The following RSU1 variants were observed in gnomAD, a reference collection of about 807,000 sequenced individuals.
RSU1 encodes the protein Ras suppressor protein 1, also known as rsu-1.
A neutral mutation model predicts 31.1 loss-of-function variants in RSU1; 26 were observed. The observed-to-expected ratio is 0.84, with a 90% CI of 0.61 to 1.16. The LOEUF (loss-of-function observed/expected upper bound fraction) is 1.16, where lower values mean the gene tolerates loss of function less well. Ranked by LOEUF, RSU1 falls within the 50% of genes most tolerant of loss-of-function variation. The probability of loss-of-function intolerance (pLI) is 0.00; values close to 1 mark genes in which losing one functional copy is unlikely to be tolerated. For missense variants in RSU1, 320 were observed against 339.1 expected, an observed-to-expected ratio of 0.94 and a Z score of 0.44; for synonymous variants, 164 against 136.3, an observed-to-expected ratio of 1.20 and a Z score of -1.41.
At chr10:16,646,089 C>T (rs982834526) in intron 8 of RSU1, among the ~76,000 whole-genome samples, 25 of 119,252 alleles carry the variant, frequency 2.1e-4, no homozygotes, top group African/African-American at 3.8e-4. Flanking sequence ...CACACACACA[C>T]ATACATATAT....
At chr10:16,807,439 C>G (rs1017197907) in intron 2 of RSU1, among the ~76,000 whole-genome samples, 5 of 152,152 alleles carry the variant, frequency 3.3e-5, no homozygotes, top group Non-Finnish European at 4.4e-5. Flanking sequence ...TTTTCCAGCC[C>G]CATACTTTGT....
At chr10:16,734,601 T>C (rs528925763) in intron 7 of RSU1, among the ~76,000 whole-genome samples, 1 of 152,344 alleles carries the variant, frequency 6.6e-6, no homozygotes, top group East Asian at 1.9e-4. Flanking sequence ...CTCAAAGATT[T>C]CTGAAAAGAT....
chr10:16,727,138 G>T (rs751918322), intron 7 of RSU1: 11 of 456,560 alleles, frequency 2.4e-5, no homozygotes, highest in Middle Eastern at 3.3e-4. Flanking sequence ...AAGGGAACAG[G>T]ATGTGGCCTC....
intron 7 of RSU1, among the ~76,000 whole-genome samples, chr10:16,735,822 C>T (rs538708154): frequency 1.3e-5 from 2 of 152,248 alleles, no homozygotes; most frequent in Non-Finnish European, 1.5e-5. Flanking sequence ...TCATTTGTCT[C>T]CCACTGGGTC....
chr10:16,736,475 T>C (rs1191721000), intron 7 of RSU1, among the ~76,000 whole-genome samples: 6 of 151,924 alleles, frequency 3.9e-5, no homozygotes, highest in East Asian at 1.9e-4. Flanking sequence ...AAGGACCAAG[T>C]CTAACAGGCA....
intron 7 of RSU1, among the ~76,000 whole-genome samples, chr10:16,744,040 G>C (rs544412683): frequency 3.3e-5 from 5 of 151,854 alleles, no homozygotes; most frequent in African/African-American, 9.7e-5. Context: ...TGAGGTGCAA[G>C]GATCACCTGG....
At chr10:16,742,494 C>T (rs1460693153) in intron 7 of RSU1, among the ~76,000 whole-genome samples, 8 of 151,086 alleles carry the variant, frequency 5.3e-5, no homozygotes, top group African/African-American at 2.0e-4. Flanking sequence ...TTTCTTTTAA[C>T]ATAGGAACAC....
chr10:16,761,843 G>A (rs1837216830), intron 4 of RSU1, among the ~76,000 whole-genome samples: 1 of 152,102 alleles, frequency 6.6e-6, no homozygotes, highest in Non-Finnish European at 1.5e-5. Flanking sequence ...ACGACAGAGT[G>A]AGACTCTGTC....
At chr10:16,609,064 C>T (rs1471747552) in intron 8 of RSU1, among the ~76,000 whole-genome samples, 9 of 152,152 alleles carry the variant, frequency 5.9e-5, no homozygotes, top group African/African-American at 2.2e-4. Context: ...AACTCCTGGC[C>T]TCAAATGATC....
intron 7 of RSU1, among the ~76,000 whole-genome samples, chr10:16,704,033 T>C (rs928335682): frequency 3.3e-5 from 5 of 152,218 alleles, no homozygotes; most frequent in Non-Finnish European, 7.3e-5. Flanking sequence ...TGGATGATGG[T>C]GTTTCTGGTC....
At chr10:16,597,069 C>T (rs1429586565) in intron 8 of RSU1, among the ~76,000 whole-genome samples, 1 of 152,262 alleles carries the variant, frequency 6.6e-6, no homozygotes, top group Admixed American at 6.5e-5. Context: ...CTGTTCATGC[C>T]CATGGAAACC....
intron 7 of RSU1, among the ~76,000 whole-genome samples, chr10:16,729,113 T>C (rs189628930): frequency 6.6e-6 from 1 of 152,364 alleles, no homozygotes; most frequent in African/African-American, 2.4e-5. Context: ...GCAACTTATT[T>C]TTCTAGGCCT....
At chr10:16,687,655 G>A (rs1835463590) in intron 8 of RSU1, among the ~76,000 whole-genome samples, 2 of 152,222 alleles carry the variant, frequency 1.3e-5, no homozygotes, top group East Asian at 3.9e-4. Context: ...CAATTTAGCA[G>A]GGTAACTGAT....
At chr10:16,729,334 T>C (rs1033560121) in intron 7 of RSU1, among the ~76,000 whole-genome samples, 49 of 152,334 alleles carry the variant, frequency 3.2e-4, no homozygotes, top group African/African-American at 1.1e-3. Flanking sequence ...CACTCTTCGA[T>C]TATAATTCTA....
intron 8 of RSU1, among the ~76,000 whole-genome samples, chr10:16,603,290 C>T (rs1833744423): frequency 6.6e-6 from 1 of 152,192 alleles, no homozygotes; most frequent in African/African-American, 2.4e-5. Flanking sequence ...GATTTCAAAA[C>T]AGCCATATAT....
chr10:16,754,745 GTC>G (rs1837048535), intron 5 of RSU1, 124 bp downstream of exon 5: 1 of 659,068 alleles, frequency 1.5e-6, no homozygotes, highest in Admixed American at 2.4e-5. Flanking sequence ...TTCAAAAGGA[GTC>G]TCTAAAGAAA....
chr10:16,671,551 C>A (rs530731964), intron 8 of RSU1, among the ~76,000 whole-genome samples: 1 of 152,018 alleles, frequency 6.6e-6, no homozygotes, highest in African/African-American at 2.4e-5. Context: ...TGGGCTCAAG[C>A]GATCCTCCCA....
Position 16,695,028 on chromosome 10 carries a change from G to A in RSU1, c.726C>T (p.Tyr242=), listed in dbSNP as rs139715455. ...GAAAATCAGAGTCTACTTACTATTT[G>A]TATGTCTCAGAACGGATATACTCAA... ...HVFEYIRSET[Y]KYLYGRHMQA... Residue 242 remains tyrosine, a synonymous_variant, in exon 8 of 9, where the codon TAC becomes TAT. Transcript: ENST00000345264. The A allele has an allele frequency of 1.4e-5, 22 of 1,609,728 alleles. No individual in the cohort carries two copies. The African/African-American group carries it at 2.7e-4, about 20-fold the overall frequency.
intron 7 of RSU1, among the ~76,000 whole-genome samples, chr10:16,702,570 G>A (rs1014321116): frequency 3.3e-5 from 5 of 152,224 alleles, no homozygotes; most frequent in Non-Finnish European, 5.9e-5. Flanking sequence ...AATGACTGCC[G>A]TGCTGGGTTT....
Sources: allele counts gnomAD v4.1 joint callset (sites outside exome capture counted in the v4.1 genomes callset), GRCh38; gene constraint gnomAD v4.1.1; transcripts MANE v1.5; gene names NCBI Gene and HGNC (gene_info 2026-07-23, HGNC 2026-07-21).